CNTNAP2: variants seen among roughly 807,000 people sequenced by gnomAD.
The protein encoded by CNTNAP2 is contactin associated protein 2.
In CNTNAP2, 98 loss-of-function variants were observed where a neutral mutation model predicts 155.2. That is an observed-to-expected ratio of 0.63 (90% CI 0.54 to 0.75). The LOEUF is 0.75. Among genes scored for constraint, CNTNAP2 ranks in the 30% least tolerant of loss-of-function variants. The pLI is 0.00. For synonymous variants in CNTNAP2, 651 were observed against 631.2 expected, an observed-to-expected ratio of 1.03 and a Z score of -0.47; for missense variants, 1,727 against 1,688.1, an observed-to-expected ratio of 1.02 and a Z score of -0.40.
chr7:146,735,540 G>A (rs945457542), intron 1 of CNTNAP2, among the ~76,000 whole-genome samples: 13 of 152,156 alleles, frequency 8.5e-5, no homozygotes, highest in Admixed American at 3.3e-4. Context: ...GGGCAACAGA[G>A]CAAGACTCTG....
At chr7:148,293,880 T>C (rs1344526381) in intron 21 of CNTNAP2, among the ~76,000 whole-genome samples, 1 of 151,470 alleles carries the variant, frequency 6.6e-6, no homozygotes, top group Non-Finnish European at 1.5e-5. Flanking sequence ...ACTAAAAATA[T>C]GGAAATTAGC....
chr7:147,436,350 C>G (rs969298307), intron 10 of CNTNAP2, among the ~76,000 whole-genome samples: 7 of 151,870 alleles, frequency 4.6e-5, no homozygotes, highest in South Asian at 2.1e-4. Flanking sequence ...TAAATTTATT[C>G]CAGAAATTTT....
chr7:147,158,553 C>A (rs1040996040), intron 8 of CNTNAP2, among the ~76,000 whole-genome samples: 5 of 152,076 alleles, frequency 3.3e-5, no homozygotes, highest in African/African-American at 9.7e-5. Context: ...GCACAATTAA[C>A]CTGTTCATTA....
chr7:146,443,251 AATAAATAG>A (rs966261752), intron 1 of CNTNAP2, among the ~76,000 whole-genome samples: 16 of 150,826 alleles, frequency 1.1e-4, no homozygotes, highest in African/African-American at 3.9e-4. Flanking sequence ...TAAATAAATA[AATAAATAG>A]ATAAATAAAA....
intron 4 of CNTNAP2, among the ~76,000 whole-genome samples, chr7:147,103,384 T>C (rs570993039): frequency 1.3e-5 from 2 of 152,182 alleles, no homozygotes; most frequent in Non-Finnish European, 2.9e-5. Context: ...ACAATGAAAA[T>C]AATACACAGA....
At position 148,118,221 on chromosome 7, in the gene CNTNAP2, A is replaced by T; in HGVS notation, c.2487A>T (p.Thr829=). 6.2e-7 allele frequency: 1 copy of T among 1,614,208 alleles called. No individual in the cohort carries two copies. The highest frequency in any genetic ancestry group is 8.5e-7 in the Non-Finnish European group (1 of 1,180,036). The change falls in exon 16 of 24, where the codon ACA becomes ACT. Residue 829 remains threonine, a synonymous_variant. Transcript: ENST00000361727. The part of the protein sequence containing the change: ...TSADISFYFK[T]LTPWGVFLEN... ...CTGACATTTCTTTCTACTTCAAAAC[A>T]TTAACCCCCTGGGGAGTGTTTCTTG...
chr7:146,201,049 T>C (rs1001131567), intron 1 of CNTNAP2, among the ~76,000 whole-genome samples: 1 of 152,180 alleles, frequency 6.6e-6, no homozygotes, highest in Non-Finnish European at 1.5e-5. Flanking sequence ...TTCTCACGAG[T>C]GGTCATCAGA....
At chr7:146,820,896 T>C (rs1803267627) in intron 2 of CNTNAP2, among the ~76,000 whole-genome samples, 1 of 152,210 alleles carries the variant, frequency 6.6e-6, no homozygotes, top group Admixed American at 6.5e-5. Flanking sequence ...TCTTGTTGAA[T>C]TGATCCCTTT....
intron 1 of CNTNAP2, among the ~76,000 whole-genome samples, chr7:146,527,920 G>A (rs555186001): frequency 2.6e-5 from 4 of 151,992 alleles, no homozygotes; most frequent in East Asian, 1.9e-4. Flanking sequence ...CAAAACCCTC[G>A]TTAGAGAAAT....
chr7:147,756,680 A>T (rs1485957508), intron 13 of CNTNAP2, among the ~76,000 whole-genome samples: 1 of 152,208 alleles, frequency 6.6e-6, no homozygotes, highest in African/African-American at 2.4e-5. Context: ...TTTCAATATT[A>T]AAAAAATGAA....
intron 15 of CNTNAP2, among the ~76,000 whole-genome samples, chr7:147,981,834 ATTCT>A (rs1801536775): frequency 8.2e-6 from 1 of 122,474 alleles, no homozygotes; most frequent in Non-Finnish European, 1.7e-5. Context: ...TTTTTCTTTC[ATTCT>A]TTCTTTTTTG....
rs973817616 is a variant in CNTNAP2, at chr7:146,670,558, A to G, written c.98-103713A>G. 1.1e-4 allele frequency among the ~76,000 whole-genome samples: 17 copies of G among 152,212 alleles called. 1 individual carries two copies. Among genetic ancestry groups the G allele is most frequent in the Non-Finnish European group, 2.1e-4 (14 of 68,036 alleles). On this transcript the variant is annotated intron_variant, in intron 1 of 23. Transcript: ENST00000361727. Reference sequence around the variant, plus strand: ...ATATACTTTAACTGCTTTATTTCATAATAAAACAGAGACTTTTCCACAAAC... The same window carrying G: ...ATATACTTTAACTGCTTTATTTCATGATAAAACAGAGACTTTTCCACAAAC...
intron 10 of CNTNAP2, among the ~76,000 whole-genome samples, chr7:147,433,513 G>A (rs1314674451): frequency 6.6e-6 from 1 of 152,162 alleles, no homozygotes; most frequent in African/African-American, 2.4e-5. Flanking sequence ...ACTCATATTT[G>A]CTTTGTAAAT....
chr7:147,366,794 C>CAT (rs765115026), intron 9 of CNTNAP2, among the ~76,000 whole-genome samples: 18 of 141,806 alleles, frequency 1.3e-4, no homozygotes, highest in Non-Finnish European at 2.1e-4. Context: ...CACACACACA[C>CAT]ACACACACAC....
chr7:146,121,476 A>T (rs1251973285), intron 1 of CNTNAP2, among the ~76,000 whole-genome samples: 3 of 152,208 alleles, frequency 2.0e-5, no homozygotes, highest in African/African-American at 4.8e-5. Context: ...TATTAAACAT[A>T]TGGAGATCCA....
intron 22 of CNTNAP2, among the ~76,000 whole-genome samples, chr7:148,387,910 C>T (rs764633712): frequency 2.0e-5 from 3 of 151,882 alleles, no homozygotes; most frequent in African/African-American, 4.8e-5. Context: ...CCATCAAAAC[C>T]AAGATGGCAA....
At chr7:146,392,715 A>C (rs1266343494) in intron 1 of CNTNAP2, among the ~76,000 whole-genome samples, 3 of 152,146 alleles carry the variant, frequency 2.0e-5, no homozygotes, top group African/African-American at 7.2e-5. Flanking sequence ...ACAGTTTCTT[A>C]ACATTCCCAC....
At chr7:147,720,959 G>A (rs1232513380) in intron 13 of CNTNAP2, among the ~76,000 whole-genome samples, 1 of 152,068 alleles carries the variant, frequency 6.6e-6, no homozygotes, top group African/African-American at 2.4e-5. Flanking sequence ...GCTTGGTCAT[G>A]ATGACAAACC....
At chr7:146,948,677 A>G (rs1289653047) in intron 3 of CNTNAP2, among the ~76,000 whole-genome samples, 2 of 152,198 alleles carry the variant, frequency 1.3e-5, no homozygotes, top group African/African-American at 4.8e-5. Context: ...ATGATACATT[A>G]TGAAGTAGAA....
Sources: allele counts gnomAD v4.1 joint callset (sites outside exome capture counted in the v4.1 genomes callset), GRCh38; gene constraint gnomAD v4.1.1; transcripts MANE v1.5; gene names NCBI Gene and HGNC (gene_info 2026-07-23, HGNC 2026-07-21).